KALRN: variants seen among roughly 807,000 people sequenced by gnomAD.
KALRN encodes the protein kalirin RhoGEF kinase.
A neutral mutation model predicts 353.7 loss-of-function variants in KALRN; 70 were observed. The ratio of observed to expected loss-of-function variants is 0.20; its 90% confidence interval spans 0.16 to 0.24. The LOEUF is 0.24. KALRN is among the 10% of genes least tolerant of loss of function. The pLI is 1.00. For synonymous variants in KALRN, 1,391 were observed against 1,434.8 expected (o/e 0.97, Z 0.69); for missense variants, 2,791 against 3,756.7 (o/e 0.74, Z 6.72).
intron 1 of KALRN, among the ~76,000 whole-genome samples, chr3:124,168,783 A>G (rs186782360): frequency 6.6e-6 from 1 of 152,306 alleles, no homozygotes; most frequent in Non-Finnish European, 1.5e-5. Flanking sequence ...TCAGGTTTGG[A>G]TTAGATCTCA....
intron 12 of KALRN, among the ~76,000 whole-genome samples, chr3:124,398,056 C>A (rs2150087957): frequency 6.6e-6 from 1 of 152,326 alleles, no homozygotes; most frequent in East Asian, 1.9e-4. Flanking sequence ...TTCCCAGGGC[C>A]ACCAGCCTAA....
chr3:124,066,799 A>G (rs1577722947), intron 1 of KALRN, among the ~76,000 whole-genome samples: 1 of 152,196 alleles, frequency 6.6e-6, no homozygotes, highest in South Asian at 2.1e-4. Flanking sequence ...TGTGCCTGGA[A>G]CAGGTGGAGA....
At chr3:124,571,060 CCTT>C (rs1053422968) in intron 34 of KALRN, among the ~76,000 whole-genome samples, 1 of 152,184 alleles carries the variant, frequency 6.6e-6, no homozygotes, top group African/African-American at 2.4e-5. Flanking sequence ...ACCCACGTCT[CCTT>C]CTATTCTCCC....
At position 124,395,350 on chromosome 3, in the gene KALRN, A is replaced by C; in HGVS notation, c.2171+7A>C. 6.2e-7 allele frequency: 1 copy of C among 1,607,500 alleles called. No individual in the cohort carries two copies. Among genetic ancestry groups the C allele is most frequent in the South Asian group, 1.1e-5 (1 of 89,910 alleles). On this transcript the variant is annotated splice_region_variant and intron_variant, in intron 12 of 59. Coordinates refer to ENST00000682506, the MANE Select transcript of KALRN (RefSeq NM_001388419.1). ...GGGAGCCCAGCGAGGCCAGGTCAGC[A>C]TGGGCAGAGCTTTCCAGTGGGAAAT...
intron 34 of KALRN, among the ~76,000 whole-genome samples, chr3:124,581,477 A>G (rs2074627795): frequency 1.3e-5 from 2 of 151,856 alleles, no homozygotes; most frequent in African/African-American, 4.8e-5. Context: ...CTGGTATTTG[A>G]TTTCTAAAGT....
intron 57 of KALRN, among the ~76,000 whole-genome samples, chr3:124,702,953 C>T (rs2062413679): frequency 6.6e-6 from 1 of 152,186 alleles, no homozygotes; most frequent in South Asian, 2.1e-4. Context: ...AAAAGGCATT[C>T]ATCCCTATGC....
chr3:124,392,894 G>A (rs1467108754), intron 11 of KALRN, among the ~76,000 whole-genome samples: 1 of 150,550 alleles, frequency 6.6e-6, no homozygotes, highest in African/African-American at 2.4e-5. Context: ...CCACTAACTC[G>A]TTATCTAGCA....
At chr3:124,507,956 T>G (rs1235423588) in intron 33 of KALRN, among the ~76,000 whole-genome samples, 2 of 152,244 alleles carry the variant, frequency 1.3e-5, no homozygotes, top group Admixed American at 6.5e-5. Context: ...TTTTTCCTTC[T>G]TTGTATCAAT....
rs72978442 is a variant in KALRN at position 124,381,342 on chromosome 3, A to G, written c.1771-3503A>G. ...GTAATTTACTTCATAGGCTGTTTGT[A>G]GGGAAGTGATGTGGGTTGAAGCTGA... is the stretch of plus-strand genomic sequence containing the variant. On this transcript the variant is annotated intron_variant, in intron 10 of 59. Coordinates refer to ENST00000682506, the MANE Select transcript of KALRN (RefSeq NM_001388419.1). Among the ~76,000 whole-genome samples the G allele has an allele frequency of 2.3e-3, 351 of 152,286 alleles. 1 individual carries two copies. Among genetic ancestry groups the G allele is most frequent in the African/African-American group, 8.3e-3 (344 of 41,568 alleles).
intron 1 of KALRN, among the ~76,000 whole-genome samples, chr3:124,036,925 A>C (rs577264082): frequency 4.8e-4 from 73 of 152,370 alleles, no homozygotes; most frequent in African/African-American, 1.6e-3. Flanking sequence ...CCCTGTGTGC[A>C]CATGGACACA....
chr3:124,461,854 C>T, intron 23 of KALRN, 36 bp from the exon 24 acceptor site: 2 of 1,484,782 alleles, frequency 1.3e-6, no homozygotes, highest in South Asian at 1.1e-5. Context: ...GACATTATAT[C>T]TATATCCAAG....
At chr3:124,156,540 C>T (rs1371636571) in intron 1 of KALRN, among the ~76,000 whole-genome samples, 2 of 152,114 alleles carry the variant, frequency 1.3e-5, no homozygotes, top group Non-Finnish European at 2.9e-5. Flanking sequence ...TATTATGCCC[C>T]ACTTTGAACC....
At chr3:124,072,713 T>A (rs2060076961) in intron 1 of KALRN, among the ~76,000 whole-genome samples, 1 of 152,212 alleles carries the variant, frequency 6.6e-6, no homozygotes, top group African/African-American at 2.4e-5. Context: ...ACTCCATCAG[T>A]GTGACCTGGA....
intron 51 of KALRN, among the ~76,000 whole-genome samples, chr3:124,686,428 T>A (rs1349669131): frequency 2.0e-5 from 3 of 152,192 alleles, no homozygotes; most frequent in African/African-American, 7.2e-5. Flanking sequence ...CCAGGGAGCC[T>A]ATGAGTGTGG....
At chr3:124,260,040 A>G (rs1392135772) in intron 3 of KALRN, among the ~76,000 whole-genome samples, 1 of 152,084 alleles carries the variant, frequency 6.6e-6, no homozygotes, top group Non-Finnish European at 1.5e-5. Flanking sequence ...GGACAAATCC[A>G]CTGCTCCTGC....
At chr3:124,434,244 A>G (rs1576898386) in intron 16 of KALRN, 63 bp from the exon 17 acceptor site, 1 of 1,309,632 alleles carries the variant, frequency 7.6e-7, no homozygotes, top group Non-Finnish European at 1.1e-6. Context: ...GCCTCACTCC[A>G]CCCCCTCCCA....
intron 36 of KALRN, 140 bp from the exon 37 acceptor site, chr3:124,637,068 C>T: frequency 1.4e-6 from 1 of 692,852 alleles, no homozygotes; most frequent in Non-Finnish European, 2.6e-6. Context: ...CACTCTTCTC[C>T]CTCTGTCACC....
chr3:124,204,786 A>T (rs958014828), intron 1 of KALRN, among the ~76,000 whole-genome samples: 1 of 152,200 alleles, frequency 6.6e-6, no homozygotes, highest in Non-Finnish European at 1.5e-5. Flanking sequence ...TTTAAAAACT[A>T]AATCTCTAAG....
chr3:124,496,965 C>G (rs1334459145), intron 33 of KALRN, among the ~76,000 whole-genome samples: 1 of 152,134 alleles, frequency 6.6e-6, no homozygotes, highest in Admixed American at 6.5e-5. Flanking sequence ...TATTGGGGCT[C>G]AGTTGCTGAG....
Sources: allele counts gnomAD v4.1 joint callset (sites outside exome capture counted in the v4.1 genomes callset), GRCh38; gene constraint gnomAD v4.1.1; transcripts MANE v1.5; gene names NCBI Gene and HGNC (gene_info 2026-07-23, HGNC 2026-07-21).